PRICKLE2: variants seen among roughly 807,000 people sequenced by gnomAD.
The protein encoded by PRICKLE2 is prickle planar cell polarity protein 2.
Under a neutral mutation model 81.4 loss-of-function variants are expected in PRICKLE2, and 21 were observed. That is an observed-to-expected ratio of 0.26 (90% CI 0.18 to 0.37). PRICKLE2 has a LOEUF of 0.37. Among genes scored for constraint, PRICKLE2 ranks in the 10% least tolerant of loss-of-function variants. PRICKLE2 has a pLI of 1.00. For missense variants in PRICKLE2, 940 were observed against 1,109.0 expected (o/e 0.85, Z 2.16); for synonymous variants, 456 against 421.5 (o/e 1.08, Z -1.00).
chr3:64,218,513 C>T (rs755731422), intron 1 of PRICKLE2, among the ~76,000 whole-genome samples: 1 of 152,198 alleles, frequency 6.6e-6, no homozygotes, highest in African/African-American at 2.4e-5. Context: ...GTTATTCAAC[C>T]TCTCTGTGCT....
intron 6 of PRICKLE2, among the ~76,000 whole-genome samples, chr3:64,149,308 C>T (rs534188562): frequency 1.3e-5 from 2 of 152,224 alleles, no homozygotes; most frequent in East Asian, 3.9e-4. Context: ...AAAATCTGCT[C>T]TCCTGGCACC....
chr3:64,099,324 G>A lies in PRICKLE2; in HGVS notation c.2262C>T (p.Asp754=). The A allele has an allele frequency of 3.7e-6, 6 of 1,614,200 alleles. No individual in the cohort carries two copies. Among genetic ancestry groups the A allele is most frequent in the Non-Finnish European group, 5.1e-6 (6 of 1,180,030 alleles). Residue 754 remains aspartate, a synonymous_variant, in exon 8 of 8, where the codon GAC becomes GAT. Coordinates refer to ENST00000638394, the MANE Select transcript of PRICKLE2 (RefSeq NM_198859.4). The surrounding 1 kb of genome is among the most constrained non-coding windows in gnomAD (Gnocchi z 4.3). ...CCCCAAAGGCATTCTGCAAAGCCAGGTCCGACACAGTCCTAGGGCACTGGC... is the reference window on the plus strand; with the variant it reads ...CCCCAAAGGCATTCTGCAAAGCCAGATCCGACACAGTCCTAGGGCACTGGC... ...LYGQCPRTVS[D]LALQNAFGDR... is the part of the protein sequence containing the mutation.
At chr3:64,198,211 A>AAAATAAAT (rs71099792) in intron 2 of PRICKLE2, among the ~76,000 whole-genome samples, 114 of 145,164 alleles carry the variant, frequency 7.9e-4, no homozygotes, top group Middle Eastern at 7.1e-3. Flanking sequence ...GACTCTATCT[A>AAAATAAAT]AAATAAATAA....
rs182521276 is a variant in PRICKLE2 at position 64,233,987 on chromosome 3, G to A, written c.129-35020C>T. On this transcript the variant is annotated intron_variant, in intron 2 of 8. Coordinates refer to the PRICKLE2 transcript ENST00000295902. ...TAGTGTATTTTTGGTTCATCCTGTA[G>A]CTTATATCAGAATTTCATTCTTTTT... Among the ~76,000 whole-genome samples, 11 of 152,184 alleles carry A rather than the reference G, an allele frequency of 7.2e-5. 1 individual carries two copies. Among genetic ancestry groups the A allele is most frequent in the Admixed American group, 6.5e-4 (10 of 15,280 alleles).
At chr3:64,189,650 G>C (rs1319314446) in intron 2 of PRICKLE2, among the ~76,000 whole-genome samples, 2 of 152,306 alleles carry the variant, frequency 1.3e-5, no homozygotes, top group East Asian at 3.9e-4. Flanking sequence ...GATTAAATGG[G>C]ACTGTTTATT....
intron 7 of PRICKLE2, among the ~76,000 whole-genome samples, chr3:64,119,374 A>G (rs921077861): frequency 3.9e-5 from 6 of 152,202 alleles, no homozygotes; most frequent in African/African-American, 1.4e-4. Context: ...ACTTAAAATA[A>G]AAGTTGAAAG....
intron 6 of PRICKLE2, among the ~76,000 whole-genome samples, chr3:64,148,694 G>C (rs1469177124): frequency 1.3e-5 from 2 of 152,292 alleles, no homozygotes; most frequent in East Asian, 1.9e-4. Context: ...TCATGAATGA[G>C]ATTAGTGCCC....
At chr3:64,195,354 T>C (rs1456981081) in intron 2 of PRICKLE2, among the ~76,000 whole-genome samples, 2 of 152,244 alleles carry the variant, frequency 1.3e-5, no homozygotes, top group East Asian at 3.8e-4. Flanking sequence ...GAGGGGACTT[T>C]CGTTTACATT....
At chr3:64,136,661 A>T (rs1287253326) in intron 7 of PRICKLE2, among the ~76,000 whole-genome samples, 5 of 152,006 alleles carry the variant, frequency 3.3e-5, no homozygotes, top group Non-Finnish European at 4.4e-5. Flanking sequence ...AAGGAAGGTG[A>T]TGGTCGGTGC....
intron 2 of PRICKLE2, among the ~76,000 whole-genome samples, chr3:64,248,955 T>G (rs1419439632): frequency 6.6e-6 from 1 of 152,220 alleles, no homozygotes; most frequent in Non-Finnish European, 1.5e-5. Flanking sequence ...TTTAAATACC[T>G]TTGATTTATT....
rs2076557510 is a variant in PRICKLE2, at chr3:64,095,353, G to C, written c.*3698C>G. ...CTTCCTAAACTGTTTTTGTTCTACG[G>C]CAAGAGAACCAAGAGTGGAAAGACA... is the stretch of plus-strand genomic sequence containing the variant. On this transcript the variant is annotated 3_prime_UTR_variant, in exon 8 of 8. Coordinates refer to ENST00000638394, the MANE Select transcript of PRICKLE2 (RefSeq NM_198859.4). 1 of 152,260 alleles carries C rather than the reference G, an allele frequency of 6.6e-6. No individual in the cohort carries two copies. The highest frequency in any genetic ancestry group is 2.4e-5 in the African/African-American group (1 of 41,542). 9.4% of individuals were successfully genotyped at this position (152,260 alleles called of 1,614,324 possible).
At chr3:64,199,017 T>A (rs1348995633) in intron 1 of PRICKLE2, 50 bp from the exon 2 acceptor site, 1 of 1,570,078 alleles carries the variant, frequency 6.4e-7, no homozygotes. Context: ...ACCTTTTTTT[T>A]TTTCCAAGAG....
chr3:64,238,170 A>G (rs1045728205), intron 2 of PRICKLE2, among the ~76,000 whole-genome samples: 14 of 152,216 alleles, frequency 9.2e-5, no homozygotes, highest in Non-Finnish European at 1.6e-4. Context: ...GTTATATACC[A>G]CAACGTGCTT....
rs746937932 is a variant in PRICKLE2 at position 64,147,735 on chromosome 3, G to A, written c.788-33C>T. On this transcript the variant is annotated intron_variant, in intron 6 of 7. Transcript: ENST00000638394. The surrounding 1 kb of genome is among the most constrained non-coding windows in gnomAD (Gnocchi z 5.0). The stretch of plus-strand genomic sequence containing the variant: ...AATGAGAGACATTGGAGAGGCTGAT[G>A]AGCTGCTCAGAGCTCTGCACTGGGA... 5.0e-6 allele frequency: 8 copies of A among 1,611,624 alleles called. No homozygotes were observed. The African/African-American group carries it at 1.1e-4, about 22-fold the overall frequency.
chr3:64,116,052 C>T, intron 7 of PRICKLE2, among the ~76,000 whole-genome samples: 1 of 152,168 alleles, frequency 6.6e-6, no homozygotes, highest in Non-Finnish European at 1.5e-5. Context: ...TCACTCAAAA[C>T]CATACAATTA....
chr3:64,108,192 A>G (rs575860046), intron 7 of PRICKLE2, among the ~76,000 whole-genome samples: 1 of 152,288 alleles, frequency 6.6e-6, no homozygotes, highest in African/African-American at 2.4e-5. Context: ...CTGGCCCTTT[A>G]TAGACACAGG....
intron 4 of PRICKLE2, among the ~76,000 whole-genome samples, chr3:64,158,757 A>G (rs781562119): frequency 6.6e-6 from 1 of 152,102 alleles, no homozygotes; most frequent in Non-Finnish European, 1.5e-5. Context: ...TCCCAGATAT[A>G]CTTCATAAGA....
rs764244470 is a variant in PRICKLE2, at chr3:64,147,009, G to A, written c.1481C>T (p.Thr494Ile). The change falls in exon 7 of 8, where the codon ACC becomes ATC. Residue 494 changes from threonine to isoleucine, a missense_variant. By Grantham distance (89) the Thr-to-Ile change is moderately conservative. Coordinates refer to ENST00000638394, the MANE Select transcript of PRICKLE2 (RefSeq NM_198859.4). The surrounding 1 kb of genome is among the most constrained non-coding windows in gnomAD (Gnocchi z 5.0). ...TTTGGGGACTTGGATGCTGCCTCGG[G>A]TCTCACTGAAACTCTGACTAGACAT... is the stretch of plus-strand genomic sequence containing the variant. ...SDMSSQSFSE[T>I]RGSIQVPKYE... 3 of 1,614,046 alleles carry A rather than the reference G, an allele frequency of 1.9e-6. No homozygotes were observed. Among genetic ancestry groups the A allele is most frequent in the African/African-American group, 1.3e-5 (1 of 74,994 alleles).
At chr3:64,153,523 T>G (rs2077578814) in intron 5 of PRICKLE2, 155 bp from the exon 6 acceptor site, 1 of 676,420 alleles carries the variant, frequency 1.5e-6, no homozygotes, top group Non-Finnish European at 2.6e-6. Flanking sequence ...GTTTATTCTG[T>G]ATGTATATCA....
Sources: gnomAD v4.1 joint callset for allele counts (sites outside exome capture counted in the v4.1 genomes callset) on GRCh38, gnomAD v4.1.1 for gene constraint, Gnocchi (gnomAD v3.1) non-coding constraint, MANE v1.5 for transcripts, NCBI Gene and HGNC (gene_info 2026-07-23, HGNC 2026-07-21) for gene names.